UGT1A9: variants seen among roughly 807,000 people sequenced by gnomAD.
UGT1A9 encodes UDP glucuronosyltransferase family 1 member A9.
In UGT1A9, 35 loss-of-function variants were observed where a neutral mutation model predicts 45.0. That is an observed-to-expected ratio of 0.78 (90% CI 0.59 to 1.03). The LOEUF (loss-of-function observed/expected upper bound fraction) is 1.03. Among genes scored for constraint, UGT1A9 ranks in the 50% least tolerant of loss-of-function variants. The pLI is 0.00. For missense variants in UGT1A9, 687 were observed against 666.6 expected (o/e 1.03, Z -0.34); for synonymous variants, 278 against 250.6 (o/e 1.11, Z -1.03).
At chr2:233,682,519 C>G (rs1333962269) in intron 1 of UGT1A9, 1 of 1,613,928 alleles carries the variant, frequency 6.2e-7, no homozygotes. Context: ...CCAGACTTCT[C>G]TTAGGGTTCT....
intron 1 of UGT1A9, among the ~76,000 whole-genome samples, chr2:233,674,694 T>C (rs2074293293): frequency 6.6e-6 from 1 of 152,212 alleles, no homozygotes. Flanking sequence ...TATTAAAGAA[T>C]ATGGATGTAT....
chr2:233,676,502 A>G (rs1269994566), intron 1 of UGT1A9, among the ~76,000 whole-genome samples: 1 of 152,224 alleles, frequency 6.6e-6, no homozygotes, highest in African/African-American at 2.4e-5. Context: ...GCTAAAAGCT[A>G]AAGTCTGTTT....
rs189644754 is a variant in UGT1A9 at position 233,743,962 on chromosome 2, C to T, written c.856-23072C>T. 923 of 1,331,616 alleles carry T rather than the reference C, an allele frequency of 6.9e-4. 28 individuals are homozygous for T. The African/African-American group carries it at 0.013, about 18-fold the overall frequency. The allele number at this position is 1,331,616 out of a possible 1,614,324, so 82.5% of individuals were successfully genotyped here. On this transcript the variant is annotated intron_variant, in intron 1 of 4. Coordinates refer to ENST00000354728, the MANE Select transcript of UGT1A9 (RefSeq NM_021027.3). ...CACCAGGCACTGGCACAGCGAGCGG[C>T]AAGGCTGCCAGCACCCAGGCGCAGG...
intron 1 of UGT1A9, among the ~76,000 whole-genome samples, chr2:233,738,606 A>G (rs1397968465): frequency 6.6e-6 from 1 of 152,228 alleles, no homozygotes; most frequent in Non-Finnish European, 1.5e-5. Flanking sequence ...AAGCTTTAGC[A>G]AAGAAACTCG....
chr2:233,683,335 T>C (rs775129300), intron 1 of UGT1A9, among the ~76,000 whole-genome samples: 3 of 152,166 alleles, frequency 2.0e-5, no homozygotes, highest in Non-Finnish European at 2.9e-5. Flanking sequence ...TTTTAATAAT[T>C]GCATGGTAGT....
intron 1 of UGT1A9, chr2:233,719,738 A>T (rs1455420769): frequency 1.7e-5 from 27 of 1,613,220 alleles, no homozygotes; most frequent in Non-Finnish European, 2.2e-5. Flanking sequence ...AACACTTTTT[A>T]AAAAATGTAT....
rs1436464703 is a variant in UGT1A9 at position 233,735,153 on chromosome 2, C to G, written c.856-31881C>G. Among the ~76,000 whole-genome samples the G allele has an allele frequency of 3.9e-5, 6 of 152,130 alleles. No individual in the cohort carries two copies. In the East Asian group the frequency reaches 1.2e-3, roughly 29 times the overall value. ...ATTATTATTGTGTGGGAGTCTAAGT[C>G]TCTGTGTAGGTCTCTAAGAACTTGC... On this transcript the variant is annotated intron_variant, in intron 1 of 4. Coordinates refer to ENST00000354728, the MANE Select transcript of UGT1A9 (RefSeq NM_021027.3).
chr2:233,716,057 A>G (rs1298941606), intron 1 of UGT1A9, among the ~76,000 whole-genome samples: 1 of 152,210 alleles, frequency 6.6e-6, no homozygotes, highest in Admixed American at 6.5e-5. Flanking sequence ...GTCCATTCTT[A>G]GTTGTATTCT....
chr2:233,734,953 A>G (rs2078590545), intron 1 of UGT1A9, among the ~76,000 whole-genome samples: 1 of 152,320 alleles, frequency 6.6e-6, no homozygotes, highest in African/African-American at 2.4e-5. Context: ...CAGTTTTAGA[A>G]TAAGTGTGAT....
At chr2:233,672,933 G>A (rs942835332) in intron 1 of UGT1A9, 144 bp downstream of exon 1, 128 of 1,447,738 alleles carry the variant, frequency 8.8e-5, no homozygotes, top group South Asian at 8.4e-4. Flanking sequence ...GTGCCAATGC[G>A]TGTACTCGTC....
At chr2:233,696,562 G>A (rs577212454) in intron 1 of UGT1A9, among the ~76,000 whole-genome samples, 1 of 152,212 alleles carries the variant, frequency 6.6e-6, no homozygotes, top group Admixed American at 6.5e-5. Flanking sequence ...TATGTCATCT[G>A]AGAACAAGAA....
rs1692213854 is a variant in UGT1A9 at position 233,743,141 on chromosome 2, AG to A, written c.856-23892del. Reference sequence around the variant, plus strand: ...AAAGTTCACTTTCAATCCTAAAAAAAGTCCGCTATTCCTCCAGATGTGCTTA... The same window carrying A: ...AAAGTTCACTTTCAATCCTAAAAAAATCCGCTATTCCTCCAGATGTGCTTA... On this transcript the variant is annotated intron_variant, in intron 1 of 4. Transcript: ENST00000354728. The A allele has an allele frequency of 1.1e-5, 4 of 356,900 alleles. No individual in the cohort carries two copies. The Admixed American group carries it at 1.1e-4, about 10-fold the overall frequency. The allele number at this position is 356,900 out of a possible 1,614,324, so 22.1% of individuals were successfully genotyped here.
At position 233,733,533 on chromosome 2, in the gene UGT1A9, G is replaced by A. The variant is rs184573517; in HGVS notation, c.856-33501G>A. On this transcript the variant is annotated intron_variant, in intron 1 of 4. Coordinates refer to ENST00000354728, the MANE Select transcript of UGT1A9 (RefSeq NM_021027.3). ...TAGGCATGAAGGGATGTTTAATTTT[G>A]TTGAAGGCCTTTTCTGCATCTGTTG... 2.9e-3 allele frequency among the ~76,000 whole-genome samples: 440 copies of A among 152,268 alleles called. 3 individuals carry two copies. Among genetic ancestry groups the A allele is most frequent in the African/African-American group, 0.01 (417 of 41,554 alleles).
chr2:233,685,727 G>T (rs150254106), intron 1 of UGT1A9, among the ~76,000 whole-genome samples: 13 of 152,194 alleles, frequency 8.5e-5, no homozygotes, highest in African/African-American at 2.9e-4. Context: ...GTACTGCTTC[G>T]TCTTTCTCCA....
At chr2:233,719,829 G>A (rs899051575) in intron 1 of UGT1A9, 67 of 1,549,978 alleles carry the variant, frequency 4.3e-5, no homozygotes, top group Admixed American at 9.6e-5. Flanking sequence ...ACTGTTGAGG[G>A]GCCTAGTGTA....
intron 1 of UGT1A9, chr2:233,729,631 A>C (rs141036072): frequency 6.2e-7 from 1 of 1,613,646 alleles, no homozygotes; most frequent in Non-Finnish European, 8.5e-7. Context: ...GTCGATTCCT[A>C]CTGTGTTTTT....
intron 1 of UGT1A9, among the ~76,000 whole-genome samples, chr2:233,702,784 C>T (rs1036142501): frequency 6.6e-6 from 1 of 152,164 alleles, no homozygotes; most frequent in Admixed American, 6.5e-5. Flanking sequence ...CAGGTGTAAA[C>T]GAACCTTGTA....
chr2:233,761,456 C>A (rs938437013), intron 1 of UGT1A9, among the ~76,000 whole-genome samples: 1 of 152,214 alleles, frequency 6.6e-6, no homozygotes, highest in African/African-American at 2.4e-5. Context: ...GGGTTTGGGG[C>A]ACCCTGCAGA....
intron 1 of UGT1A9, chr2:233,712,843 G>C (rs556220136): frequency 1.1e-5 from 16 of 1,515,268 alleles, no homozygotes; most frequent in Admixed American, 7.8e-5. Flanking sequence ...ATAGATTAAC[G>C]GGTAATAAGT....
Sources: allele counts gnomAD v4.1 joint callset (sites outside exome capture counted in the v4.1 genomes callset), GRCh38; gene constraint gnomAD v4.1.1; transcripts MANE v1.5; gene names NCBI Gene and HGNC (gene_info 2026-07-23, HGNC 2026-07-21).